GRM7: variants seen among roughly 807,000 people sequenced by gnomAD.
The protein encoded by GRM7 is metabotropic glutamate receptor 7.
A neutral mutation model predicts 84.5 loss-of-function variants in GRM7; 35 were observed. The ratio of observed to expected loss-of-function variants is 0.41; its 90% CI spans 0.32 to 0.55. The LOEUF (loss-of-function observed/expected upper bound fraction) is 0.55. Among genes scored for constraint, GRM7 ranks in the 20% least tolerant of loss-of-function variants. The pLI, the probability that GRM7 is intolerant of heterozygous loss-of-function variation, is 0.19. For synonymous variants in GRM7, 487 were observed against 455.1 expected, an observed-to-expected ratio of 1.07 and a Z score of -0.89; for missense variants, 1,003 against 1,194.6, an observed-to-expected ratio of 0.84 and a Z score of 2.36.
intron 5 of GRM7, among the ~76,000 whole-genome samples, chr3:7,439,925 G>A (rs28625966): frequency 0.059 from 8,936 of 152,070 alleles, 821 homozygotes; most frequent in African/African-American, 0.2. Flanking sequence ...AGCCTTAGGG[G>A]AAGAAGTGTT....
chr3:6,974,794 G>T (rs980798743), intron 1 of GRM7, among the ~76,000 whole-genome samples: 2 of 152,162 alleles, frequency 1.3e-5, no homozygotes, highest in African/African-American at 4.8e-5. Context: ...TGATTGAACT[G>T]TGATTTTTAG....
chr3:7,003,057 GA>G (rs1258383496), intron 1 of GRM7, among the ~76,000 whole-genome samples: 1 of 152,122 alleles, frequency 6.6e-6, no homozygotes, highest in African/African-American at 2.4e-5. Flanking sequence ...ACAAAACTCA[GA>G]GTAGAAAGTG....
chr3:7,680,051 C>T lies in GRM7; in HGVS notation c.2454C>T (p.Leu818=). The T allele has an allele frequency of 1.2e-6, 2 of 1,614,040 alleles. No individual in the cohort carries two copies. The highest frequency in any genetic ancestry group is 1.7e-6 in the Non-Finnish European group (2 of 1,179,924). Residue 818 remains leucine, a splice_region_variant and synonymous_variant, in exon 9 of 10, where the codon CTC becomes CTT. Coordinates refer to ENST00000357716, the MANE Select transcript of GRM7 (RefSeq NM_000844.4). The part of the protein sequence containing the change: ...FFGTAQSAEK[L]YIQTTTLTIS... ...GCCTTGTGTGTTGTGTCTCCTAGCT[C>T]TACATACAAACTACCACGCTTACAA...
In GRM7 at chr3:7,432,766, G is replaced by A. The variant is rs116064470; in HGVS notation, c.1174+17603G>A. 7.7e-3 allele frequency among the ~76,000 whole-genome samples: 1,170 copies of A among 152,230 alleles called. 13 individuals carry two copies. Among genetic ancestry groups the A allele is most frequent in the African/African-American group, 0.025 (1,048 of 41,530 alleles). ...AAATGATAAAACACTGAATGGATGGGTTAAAAAAGATTAGACACAGTCAAA... is the reference window on the plus strand; with the variant it reads ...AAATGATAAAACACTGAATGGATGGATTAAAAAAGATTAGACACAGTCAAA... On this transcript the variant is annotated intron_variant, in intron 5 of 9. Coordinates refer to ENST00000357716, the MANE Select transcript of GRM7 (RefSeq NM_000844.4).
chr3:7,491,966 A>G (rs1208476969), intron 7 of GRM7, among the ~76,000 whole-genome samples: 2 of 152,156 alleles, frequency 1.3e-5, no homozygotes, highest in African/African-American at 4.8e-5. Context: ...TGACGATGAA[A>G]TCATATGGTT....
chr3:7,271,358 G>C (rs1211320847), intron 2 of GRM7, among the ~76,000 whole-genome samples: 1 of 151,948 alleles, frequency 6.6e-6, no homozygotes, highest in Non-Finnish European at 1.5e-5. Flanking sequence ...AGGAGATCGA[G>C]ACCATCCTGG....
chr3:7,664,401 C>A (rs1699593041), intron 8 of GRM7, among the ~76,000 whole-genome samples: 1 of 152,172 alleles, frequency 6.6e-6, no homozygotes, highest in African/African-American at 2.4e-5. Flanking sequence ...CAGATCAATT[C>A]TTTATGTCGG....
At chr3:7,303,933 CT>C (rs143912265) in intron 3 of GRM7, among the ~76,000 whole-genome samples, 53 of 146,280 alleles carry the variant, frequency 3.6e-4, no homozygotes, top group South Asian at 8.5e-4. Flanking sequence ...CCTGTAGCTT[CT>C]TTTTTTTTTT....
chr3:7,045,388 T>C (rs988688467), intron 1 of GRM7, among the ~76,000 whole-genome samples: 2 of 152,182 alleles, frequency 1.3e-5, no homozygotes, highest in African/African-American at 4.8e-5. Flanking sequence ...GAAGAAGATC[T>C]AGTATTTCTT....
chr3:7,586,233 A>G (rs1022368455), intron 8 of GRM7, among the ~76,000 whole-genome samples: 1 of 152,224 alleles, frequency 6.6e-6, no homozygotes, highest in Non-Finnish European at 1.5e-5. Context: ...CAGTGGGAAT[A>G]TAAAACATGG....
In GRM7 at chr3:7,622,834, C is replaced by T. The variant is rs147910095; in HGVS notation, c.2451+43477C>T. Among the ~76,000 whole-genome samples, 11 of 152,216 alleles carry T rather than the reference C, an allele frequency of 7.2e-5. No individual in the cohort carries two copies. The East Asian group carries it at 1.6e-3, about 21-fold the overall frequency. ...GAGTCCATGAGGGCAGACTGAAACC[C>T]GTGTCCGTGTTATTTCCTCTGACCC... On this transcript the variant is annotated intron_variant, in intron 8 of 9. Coordinates refer to ENST00000357716, the MANE Select transcript of GRM7 (RefSeq NM_000844.4).
chr3:7,325,325 G>T (rs919243937), intron 4 of GRM7, among the ~76,000 whole-genome samples: 1 of 152,162 alleles, frequency 6.6e-6, no homozygotes, highest in Admixed American at 6.5e-5. Context: ...TTGACCAAAG[G>T]ACCAAAGATT....
chr3:7,197,764 A>G (rs1283872001), intron 2 of GRM7, among the ~76,000 whole-genome samples: 1 of 151,946 alleles, frequency 6.6e-6, no homozygotes, highest in Admixed American at 6.6e-5. Context: ...AATATCTTAT[A>G]GGCCAGTTAG....
intron 7 of GRM7, among the ~76,000 whole-genome samples, chr3:7,574,103 T>C (rs1205635332): frequency 5.3e-5 from 8 of 152,018 alleles, no homozygotes. Context: ...TTTATTTTTA[T>C]TTTATTTTTA....
chr3:7,022,025 T>A (rs1244551333), intron 1 of GRM7, among the ~76,000 whole-genome samples: 2 of 152,002 alleles, frequency 1.3e-5, no homozygotes, highest in Non-Finnish European at 2.9e-5. Context: ...AAAATAGACA[T>A]ACAAAAATAT....
chr3:6,952,903 A>G (rs1195894466), intron 1 of GRM7, among the ~76,000 whole-genome samples: 1 of 152,124 alleles, frequency 6.6e-6, no homozygotes, highest in East Asian at 1.9e-4. Flanking sequence ...TTCCCTGTGG[A>G]TTTTTCTAAT....
At chr3:6,991,658 C>A (rs1349102672) in intron 1 of GRM7, among the ~76,000 whole-genome samples, 4 of 152,090 alleles carry the variant, frequency 2.6e-5, no homozygotes, top group Non-Finnish European at 5.9e-5. Flanking sequence ...GACAAAAATT[C>A]TCTTGATTTA....
At chr3:7,115,993 C>G (rs549498400) in intron 1 of GRM7, among the ~76,000 whole-genome samples, 6 of 152,240 alleles carry the variant, frequency 3.9e-5, no homozygotes, top group Non-Finnish European at 8.8e-5. Context: ...ACCTTAGATT[C>G]TTCCAGAGGG....
At chr3:6,960,118 C>G (rs1693233249) in intron 1 of GRM7, among the ~76,000 whole-genome samples, 1 of 152,190 alleles carries the variant, frequency 6.6e-6, no homozygotes, top group Admixed American at 6.5e-5. Flanking sequence ...CAAACATCAA[C>G]TAACCAGACC....
Sources: gnomAD v4.1 joint callset for allele counts (sites outside exome capture counted in the v4.1 genomes callset) on GRCh38, gnomAD v4.1.1 for gene constraint, MANE v1.5 for transcripts, NCBI Gene and HGNC (gene_info 2026-07-23, HGNC 2026-07-21) for gene names.